WDR72: variants seen among roughly 807,000 people sequenced by gnomAD.
WDR72 encodes WD repeat domain 72.
A neutral mutation model predicts 124.2 loss-of-function variants in WDR72; 120 were observed. That is an observed-to-expected ratio of 0.97 (90% CI 0.83 to 1.12). WDR72 has a LOEUF of 1.12. WDR72 is among the 50% of genes most tolerant of loss of function. The probability of loss-of-function intolerance (pLI) is 0.00; values close to 1 mark genes in which losing one functional copy is unlikely to be tolerated. For missense variants in WDR72, 1,387 were observed against 1,278.8 expected (o/e 1.08, Z -1.29); for synonymous variants, 452 against 441.7 (o/e 1.02, Z -0.29).
At chr15:53,535,012 G>A (rs528940377) in intron 18 of WDR72, among the ~76,000 whole-genome samples, 3 of 152,072 alleles carry the variant, frequency 2.0e-5, no homozygotes, top group South Asian at 2.1e-4. Flanking sequence ...CACAGAGAGG[G>A]AGGTGATAAA....
intron 4 of WDR72, 138 bp from the exon 5 acceptor site, chr15:53,715,505 T>C: frequency 9.8e-7 from 1 of 1,020,416 alleles, no homozygotes; most frequent in Non-Finnish European, 1.5e-6. Context: ...CTAAAATTTC[T>C]CTTAGTTCAG....
At chr15:53,517,877 GA>G (rs1401327147) in intron 19 of WDR72, 123 bp from the exon 20 acceptor site, 14 of 891,602 alleles carry the variant, frequency 1.6e-5, no homozygotes, top group South Asian at 1.2e-4. Context: ...AGAAGGGAGA[GA>G]ATGAGGAAAA....
intron 18 of WDR72, among the ~76,000 whole-genome samples, chr15:53,561,235 T>TAA (rs1894114720): frequency 6.6e-6 from 1 of 151,868 alleles, no homozygotes; most frequent in African/African-American, 2.4e-5. Context: ...AATGCACTAC[T>TAA]AAGACCTAGT....
At chr15:53,705,760 G>A (rs1028734563) in intron 10 of WDR72, among the ~76,000 whole-genome samples, 167 bp downstream of exon 10, 3 of 152,154 alleles carry the variant, frequency 2.0e-5, no homozygotes, top group Admixed American at 6.6e-5. Flanking sequence ...ACTGTGCCCC[G>A]CCTAAGCTTT....
intron 13 of WDR72, among the ~76,000 whole-genome samples, chr15:53,668,662 G>A (rs189707225): frequency 3.3e-5 from 5 of 152,200 alleles, no homozygotes; most frequent in East Asian, 1.9e-4. Context: ...TTAGCACTTT[G>A]GGAGGGCGAG....
At chr15:53,687,574 C>T (rs1380663606) in intron 13 of WDR72, among the ~76,000 whole-genome samples, 128 of 149,608 alleles carry the variant, frequency 8.6e-4, no homozygotes, top group African/African-American at 3.0e-3. Flanking sequence ...TAATCAATAG[C>T]TTACCAACCA....
In WDR72 at chr15:53,726,244, G is replaced by GTATATATATATGTGTGTGTA. The variant is rs2018027413; in HGVS notation, c.154-3337_154-3336insTACACACACATATATATATA. Among the ~76,000 whole-genome samples, 3 of 121,954 alleles carry GTATATATATATGTGTGTGTA rather than the reference G, an allele frequency of 2.5e-5. No homozygotes were observed. In the South Asian group the frequency reaches 8.1e-4, roughly 33 times the overall value. 80.0% of individuals were successfully genotyped at this position (121,954 alleles called of 152,430 possible). A position where few individuals can be genotyped will look rare whatever the true frequency, so the allele number is the denominator to read the frequency against. ...TGTATATATATATATATGTATGTGT[G>GTATATATATATGTGTGTGTA]TATATATATATGTATGTGTGTATAT... is the stretch of plus-strand genomic sequence containing the variant. On this transcript the variant is annotated intron_variant, in intron 2 of 19. Transcript: ENST00000360509.
At chr15:53,679,134 T>C (rs2016288623) in intron 13 of WDR72, among the ~76,000 whole-genome samples, 1 of 152,188 alleles carries the variant, frequency 6.6e-6, no homozygotes, top group Non-Finnish European at 1.5e-5. Context: ...GAAAGTAGAA[T>C]AGCAGTTGCT....
At position 53,515,041 on chromosome 15, in the gene WDR72, G is replaced by GTATA. The variant is rs777102975; in HGVS notation, c.*2654_*2657dup. ...TATATATATACACACATATATATGT[G>GTATA]TATATATATGTGTGTATATATATAC... On this transcript the variant is annotated 3_prime_UTR_variant, in exon 20 of 20. Transcript: ENST00000360509. 7.6e-6 allele frequency: 1 copy of GTATA among 131,670 alleles called. No individual in the cohort carries two copies. Among genetic ancestry groups the GTATA allele is most frequent in the Non-Finnish European group, 1.7e-5 (1 of 58,468 alleles). The allele number at this position is 131,670 out of a possible 1,614,324, so 8.2% of individuals were successfully genotyped here.
chr15:53,521,249 T>G (rs1258308013), intron 19 of WDR72, among the ~76,000 whole-genome samples: 1 of 152,154 alleles, frequency 6.6e-6, no homozygotes, highest in Non-Finnish European at 1.5e-5. Context: ...CCCTGGTCAT[T>G]TTATAGGACT....
chr15:53,558,662 A>G (rs1450166255), intron 18 of WDR72, among the ~76,000 whole-genome samples: 1 of 152,026 alleles, frequency 6.6e-6, no homozygotes, highest in African/African-American at 2.4e-5. Flanking sequence ...AAAAAGTTAA[A>G]GTCCACTCAC....
intron 13 of WDR72, among the ~76,000 whole-genome samples, chr15:53,690,607 G>T (rs551333815): frequency 1.5e-4 from 23 of 152,302 alleles, no homozygotes; most frequent in African/African-American, 5.3e-4. Flanking sequence ...GTTGTAGCAT[G>T]ACAACTTGCT....
intron 18 of WDR72, among the ~76,000 whole-genome samples, chr15:53,530,193 G>A (rs1299836090): frequency 6.6e-6 from 1 of 150,498 alleles, no homozygotes; most frequent in Non-Finnish European, 1.5e-5. Context: ...TACAAAATAA[G>A]AAACATTACT....
intron 14 of WDR72, among the ~76,000 whole-genome samples, chr15:53,619,247 C>T (rs2013889979): frequency 7.0e-6 from 1 of 143,272 alleles, no homozygotes; most frequent in Admixed American, 7.2e-5. Context: ...TTTCCTGTTT[C>T]CTTGTATGCT....
At chr15:53,748,161 G>C (rs964818229) in intron 1 of WDR72, among the ~76,000 whole-genome samples, 1 of 152,004 alleles carries the variant, frequency 6.6e-6, no homozygotes, top group African/African-American at 2.4e-5. Context: ...TATTTACCAT[G>C]GAGTCATCTT....
chr15:53,620,447 C>T (rs1187135117), intron 14 of WDR72, among the ~76,000 whole-genome samples: 1 of 151,758 alleles, frequency 6.6e-6, no homozygotes, highest in Non-Finnish European at 1.5e-5. Context: ...AAACAAAAAG[C>T]TCTTCTAAAA....
intron 18 of WDR72, among the ~76,000 whole-genome samples, chr15:53,563,798 GT>G (rs1595762525): frequency 6.6e-6 from 1 of 151,878 alleles, no homozygotes; most frequent in East Asian, 1.9e-4. Context: ...TGAACTGTGT[GT>G]CTTCAATCTT....
intron 1 of WDR72, chr15:53,759,386 A>C (rs1036284774): frequency 1.3e-5 from 2 of 152,144 alleles, no homozygotes; most frequent in African/African-American, 4.8e-5. Flanking sequence ...CCACATCTGG[A>C]AAAGAGTTTG....
chr15:53,616,776 A>AAAGGGG (rs2013785941), intron 14 of WDR72, among the ~76,000 whole-genome samples: 2 of 152,038 alleles, frequency 1.3e-5, no homozygotes, highest in Non-Finnish European at 2.9e-5. Context: ...AAAGGCTGGC[A>AAAGGGG]CAGTGGGTTC....
Sources: allele counts gnomAD v4.1 joint callset (sites outside exome capture counted in the v4.1 genomes callset), GRCh38; gene constraint gnomAD v4.1.1; transcripts MANE v1.5; gene names NCBI Gene and HGNC (gene_info 2026-07-23, HGNC 2026-07-21).